UBE2R2: variants seen among roughly 807,000 people sequenced by gnomAD.
UBE2R2 encodes ubiquitin conjugating enzyme E2 R2, also known as ubiquitin-conjugating enzyme E2 R2.
A neutral mutation model predicts 27.8 loss-of-function variants in UBE2R2; 1 was observed. The ratio of observed to expected loss-of-function variants is 0.04; its 90% confidence interval spans 0.01 to 0.17. The LOEUF (loss-of-function observed/expected upper bound fraction) is 0.17. UBE2R2 is among the 10% of genes least tolerant of loss of function. The probability of loss-of-function intolerance (pLI) is 1.00; values close to 1 mark genes in which losing one functional copy is unlikely to be tolerated. For synonymous variants in UBE2R2, 106 were observed against 113.3 expected (o/e 0.94, Z 0.41); for missense variants, 100 against 291.0 (o/e 0.34, Z 4.78).
At chr9:33,884,577 G>A (rs62555929) in intron 1 of UBE2R2, among the ~76,000 whole-genome samples, 3,400 of 151,782 alleles carry the variant, frequency 0.022, 63 homozygotes, top group Non-Finnish European at 0.035. Flanking sequence ...CACTTTTTGT[G>A]GATTTTTAAA....
intron 1 of UBE2R2, among the ~76,000 whole-genome samples, chr9:33,843,965 T>C (rs1010677113): frequency 2.0e-5 from 3 of 150,494 alleles, no homozygotes; most frequent in Non-Finnish European, 4.4e-5. Flanking sequence ...AACCTTGCAG[T>C]AAAAAAGCTG....
chr9:33,883,139 G>C (rs1206339598), intron 1 of UBE2R2, among the ~76,000 whole-genome samples: 1 of 152,118 alleles, frequency 6.6e-6, no homozygotes, highest in Admixed American at 6.6e-5. Flanking sequence ...TTTTACTTTT[G>C]TTCCTTGTGT....
intron 1 of UBE2R2, among the ~76,000 whole-genome samples, chr9:33,823,690 AGGAAAATGATTGTTT>A: frequency 6.6e-6 from 1 of 152,126 alleles, no homozygotes; most frequent in African/African-American, 2.4e-5. Context: ...AAATTTTTTT[AGGAAAATGATTGTTT>A]GCCTTTTTGA....
At position 33,880,870 on chromosome 9, in the gene UBE2R2, T is replaced by A. The variant is rs1821718282; in HGVS notation, c.178-6011T>A. On this transcript the variant is annotated intron_variant, in intron 1 of 4. Transcript: ENST00000263228. ...CTGACTAATGCCTGATGACTTGAGG[T>A]GGAACAGTTTCATCCCGAAACACCC... is the stretch of plus-strand genomic sequence containing the variant. 3.9e-5 allele frequency among the ~76,000 whole-genome samples: 6 copies of A among 152,180 alleles called. No homozygotes were observed. In the South Asian group the frequency reaches 1.2e-3, roughly 32 times the overall value.
At chr9:33,838,518 T>A (rs1372231777) in intron 1 of UBE2R2, among the ~76,000 whole-genome samples, 4 of 152,150 alleles carry the variant, frequency 2.6e-5, no homozygotes, top group East Asian at 3.8e-4. Flanking sequence ...AGTTTTTTTT[T>A]AAATTGAGGT....
intron 1 of UBE2R2, among the ~76,000 whole-genome samples, chr9:33,826,051 G>A (rs1333797756): frequency 6.6e-6 from 1 of 151,854 alleles, no homozygotes; most frequent in African/African-American, 2.4e-5. Context: ...GCTGAGGCAG[G>A]AGAATCGCTT....
At chr9:33,816,856 C>T (rs1366669805), upstream of UBE2R2, among the ~76,000 whole-genome samples, 3 of 152,258 alleles carry the variant, frequency 2.0e-5, no homozygotes, top group African/African-American at 7.2e-5. Flanking sequence ...ACTGCGGCGT[C>T]CAGCCGCACA....
chr9:33,891,889 C>T lies in UBE2R2; in HGVS notation c.264+4922C>T, dbSNP rs930897774. Among the ~76,000 whole-genome samples the T allele has an allele frequency of 2.0e-5, 3 of 152,220 alleles. No individual in the cohort carries two copies. In the South Asian group the frequency reaches 6.2e-4, roughly 32 times the overall value. ...CTTTGGGAGGCTGAGGCAAGTTCAC[C>T]AGGCGTAGTGGCACATGCCTGTAGT... is the stretch of plus-strand genomic sequence containing the variant. On this transcript the variant is annotated intron_variant, in intron 2 of 4. Transcript: ENST00000263228.
At chr9:33,820,811 T>A (rs1454892677) in intron 1 of UBE2R2, among the ~76,000 whole-genome samples, 1 of 152,258 alleles carries the variant, frequency 6.6e-6, no homozygotes, top group Non-Finnish European at 1.5e-5. Flanking sequence ...TTCTAACTGA[T>A]CTTTTTCACC....
chr9:33,845,994 C>T (rs1489206666), intron 1 of UBE2R2, among the ~76,000 whole-genome samples: 4 of 152,108 alleles, frequency 2.6e-5, no homozygotes, highest in Non-Finnish European at 4.4e-5. Flanking sequence ...GGCAAGGTGG[C>T]GGGTACCTGT....
At chr9:33,906,079 TTTGTTG>T (rs946800085) in intron 3 of UBE2R2, among the ~76,000 whole-genome samples, 2 of 151,388 alleles carry the variant, frequency 1.3e-5, no homozygotes, top group African/African-American at 4.8e-5. Flanking sequence ...AAGTTCAGGT[TTTGTTG>T]TTGTTGTTGT....
intron 1 of UBE2R2, among the ~76,000 whole-genome samples, chr9:33,878,657 G>A (rs943433469): frequency 8.5e-5 from 13 of 152,084 alleles, no homozygotes; most frequent in Admixed American, 2.6e-4. Context: ...GAGAACATAG[G>A]AAAATACATT....
chr9:33,845,745 C>T lies in UBE2R2; in HGVS notation c.177+27811C>T, dbSNP rs566270816. ...TTTCTAGGCCGGGTACAGTAGCTCA[C>T]GCCTGTAATCCCAGCACTTTGGGAG... On this transcript the variant is annotated intron_variant, in intron 1 of 4. Coordinates refer to ENST00000263228, the MANE Select transcript of UBE2R2 (RefSeq NM_017811.4). 7.2e-5 allele frequency among the ~76,000 whole-genome samples: 11 copies of T among 152,206 alleles called. No homozygotes were observed. The East Asian group carries it at 1.7e-3, about 24-fold the overall frequency.
At chr9:33,853,263 T>C (rs1364640603) in intron 1 of UBE2R2, among the ~76,000 whole-genome samples, 1 of 150,348 alleles carries the variant, frequency 6.7e-6, no homozygotes. Context: ...AAAGCAAGAC[T>C]TACCTGGCTT....
intron 1 of UBE2R2, among the ~76,000 whole-genome samples, chr9:33,868,143 G>T (rs1821403628): frequency 6.6e-6 from 1 of 152,142 alleles, no homozygotes; most frequent in Non-Finnish European, 1.5e-5. Flanking sequence ...TCTCTGGCAG[G>T]CCCCTCTCCG....
In UBE2R2 at chr9:33,818,231, C is replaced by G. The variant is rs566209683; in HGVS notation, c.177+297C>G. On this transcript the variant is annotated intron_variant, in intron 1 of 4. Transcript: ENST00000263228. ...CGGAGGAGGCCGCCTTTGTTTCCCC[C>G]GCTGAGGGTGGGTGGAAAGAGCGGT... Among the ~76,000 whole-genome samples the G allele has an allele frequency of 3.2e-3, 489 of 152,210 alleles. 3 individuals carry two copies. The highest frequency in any genetic ancestry group is 1.7e-3 in the Non-Finnish European group (117 of 68,012).
upstream of UBE2R2, among the ~76,000 whole-genome samples, chr9:33,815,381 TTAA>T (rs1825729476): frequency 6.6e-6 from 1 of 152,200 alleles, no homozygotes; most frequent in Non-Finnish European, 1.5e-5. Flanking sequence ...ATGTAATATG[TTAA>T]TAAAAGGGGG....
intron 1 of UBE2R2, among the ~76,000 whole-genome samples, chr9:33,861,739 T>G (rs1029600847): frequency 6.6e-6 from 1 of 152,214 alleles, no homozygotes; most frequent in African/African-American, 2.4e-5. Flanking sequence ...ACTTGAATGT[T>G]TTTTGATGGA....
At position 33,822,594 on chromosome 9, in the gene UBE2R2, TAA is replaced by T. The variant is rs11309054; in HGVS notation, c.177+4669_177+4670del. On this transcript the variant is annotated intron_variant, in intron 1 of 4. Coordinates refer to ENST00000263228, the MANE Select transcript of UBE2R2 (RefSeq NM_017811.4). ...GGTGCATACCACACTCGTTTTAATT[TAA>T]AAAAAAAATTGTTTATGCAGAAAGG... Among the ~76,000 whole-genome samples, 64 of 149,904 alleles carry T rather than the reference TAA, an allele frequency of 4.3e-4. 1 individual carries two copies. The highest frequency in any genetic ancestry group is 1.5e-3 in the African/African-American group (60 of 40,776).
Sources: allele counts gnomAD v4.1 joint callset (sites outside exome capture counted in the v4.1 genomes callset), GRCh38; gene constraint gnomAD v4.1.1; transcripts MANE v1.5; gene names NCBI Gene and HGNC (gene_info 2026-07-23, HGNC 2026-07-21).